The following FARP2 variants were observed in gnomAD, a reference collection of about 807,000 sequenced individuals.
FARP2 encodes FERM, ARH/RhoGEF and pleckstrin domain protein 2.
FARP2 carries 111 observed loss-of-function variants against 130.5 expected under a neutral mutation model. The ratio of observed to expected loss-of-function variants is 0.85; its 90% confidence interval spans 0.73 to 1.00. FARP2 has a LOEUF of 1.00. Ranked by LOEUF, FARP2 falls within the 50% of genes least tolerant of loss-of-function variation. The pLI is 0.00. For missense variants in FARP2, 1,385 were observed against 1,346.3 expected (o/e 1.03, Z -0.45); for synonymous variants, 504 against 516.9 (o/e 0.98, Z 0.34).
chr2:241,370,774 A>G (rs2061407356), intron 1 of FARP2, among the ~76,000 whole-genome samples: 1 of 152,156 alleles, frequency 6.6e-6, no homozygotes, highest in Non-Finnish European at 1.5e-5. Flanking sequence ...TTTACAGTAC[A>G]TTTCATGATG....
chr2:241,492,053 C>T (rs1408990269), intron 24 of FARP2, among the ~76,000 whole-genome samples: 1 of 152,232 alleles, frequency 6.6e-6, no homozygotes, highest in African/African-American at 2.4e-5. Flanking sequence ...AGGCACCCTG[C>T]CATAGAAGGT....
intron 1 of FARP2, among the ~76,000 whole-genome samples, chr2:241,358,961 A>G (rs2061124722): frequency 6.6e-6 from 1 of 152,208 alleles, no homozygotes. Context: ...ACTTTTCAAA[A>G]CAATCTGATA....
intron 20 of FARP2, 142 bp from the exon 21 acceptor site, chr2:241,484,099 AT>A: frequency 6.9e-7 from 1 of 1,444,184 alleles, no homozygotes; most frequent in Non-Finnish European, 9.1e-7. Context: ...AAATGAATGA[AT>A]AAAAGTCCCC....
At chr2:241,403,042 C>G (rs2062235247) in intron 2 of FARP2, among the ~76,000 whole-genome samples, 1 of 148,098 alleles carries the variant, frequency 6.8e-6, no homozygotes, top group African/African-American at 2.5e-5. Context: ...CATTCTTTTC[C>G]TTAATGGGAG....
At chr2:241,464,348 T>C (rs1043580703) in intron 17 of FARP2, among the ~76,000 whole-genome samples, 1 of 140,324 alleles carries the variant, frequency 7.1e-6, no homozygotes, top group Non-Finnish European at 1.6e-5. Context: ...CAGGGTCCCC[T>C]AAGAGCGGGG....
At chr2:241,445,833 C>T (rs2063501697) in intron 13 of FARP2, 1 of 152,282 alleles carries the variant, frequency 6.6e-6, no homozygotes, top group South Asian at 2.1e-4. Flanking sequence ...CCTCCGCCCG[C>T]AGTCTCAGGC....
Position 241,456,886 on chromosome 2 carries a change from C to G in FARP2, c.1551C>G (p.Gly517=), listed in dbSNP as rs559265413. The change falls in exon 14 of 27, where the codon GGC becomes GGG. Residue 517 remains glycine, a synonymous_variant. Transcript: ENST00000264042. ...TGAGCCCTGTCCTCAGTGATGCTGG[C>G]GGAGCCGGGATGGACTGCGAGGAGC... ...PLLSPVLSDA[G]GAGMDCEEPR... is the part of the protein sequence containing the mutation. 1.2e-6 allele frequency: 2 copies of G among 1,609,136 alleles called. No homozygotes were observed. The highest frequency in any genetic ancestry group is 1.7e-6 in the Non-Finnish European group (2 of 1,177,512).
intron 11 of FARP2, 130 bp from the exon 12 acceptor site, chr2:241,436,351 A>C: frequency 1.3e-6 from 1 of 742,908 alleles, no homozygotes; most frequent in South Asian, 1.6e-5. Context: ...GCCCCTTTCA[A>C]GTTAGATACC....
chr2:241,481,593 CT>C (rs1349005746), intron 19 of FARP2, among the ~76,000 whole-genome samples: 3 of 152,234 alleles, frequency 2.0e-5, no homozygotes, highest in Non-Finnish European at 4.4e-5. Flanking sequence ...CATTTCTCTC[CT>C]TGGCTGCATA....
chr2:241,366,100 A>ATATAT (rs1553705591), intron 1 of FARP2, among the ~76,000 whole-genome samples: 523 of 8,614 alleles, frequency 0.061, 3 homozygotes, highest in Middle Eastern at 0.44. Flanking sequence ...ACTAAAAAAA[A>ATATAT]AAAAATATAT....
chr2:241,381,699 T>A (rs190545015), intron 2 of FARP2, among the ~76,000 whole-genome samples: 120 of 152,370 alleles, frequency 7.9e-4, no homozygotes, highest in Non-Finnish European at 1.6e-3. Flanking sequence ...GATGGTAGAA[T>A]TACAGTGATC....
chr2:241,393,201 G>A (rs941180608), intron 2 of FARP2, among the ~76,000 whole-genome samples: 2 of 151,892 alleles, frequency 1.3e-5, no homozygotes, highest in African/African-American at 4.8e-5. Context: ...TGTATTTTTA[G>A]TAGAGACAGG....
At chr2:241,441,613 A>G (rs767835570) in intron 13 of FARP2, 57 bp downstream of exon 13, 1 of 1,612,526 alleles carries the variant, frequency 6.2e-7, no homozygotes, top group South Asian at 1.1e-5. Context: ...TGGGGGGCAG[A>G]GTTTCAGTGC....
At chr2:241,381,593 G>A (rs2061665108) in intron 2 of FARP2, among the ~76,000 whole-genome samples, 1 of 152,020 alleles carries the variant, frequency 6.6e-6, no homozygotes, top group African/African-American at 2.4e-5. Context: ...ACTTCTGGGG[G>A]CATTTTTCAG....
chr2:241,434,436 A>G, intron 10 of FARP2, 115 bp downstream of exon 10: 1 of 731,882 alleles, frequency 1.4e-6, no homozygotes, highest in Non-Finnish European at 2.1e-6. Context: ...ATTACACACA[A>G]AGTGGAGGTA....
At position 241,475,345 on chromosome 2, in the gene FARP2, C is replaced by T. The variant is rs1312642049; in HGVS notation, c.2132-512C>T. On this transcript the variant is annotated intron_variant, in intron 18 of 26. Coordinates refer to ENST00000264042, the MANE Select transcript of FARP2 (RefSeq NM_014808.4). The surrounding 1 kb of genome is among the most constrained non-coding windows in gnomAD (Gnocchi z 4.4). Reference sequence around the variant, plus strand: ...CTATAAGTCCTATAAGGCAGGGGTCCCCAGTGCCCATGGCTATGGACTAGT... The same window carrying T: ...CTATAAGTCCTATAAGGCAGGGGTCTCCAGTGCCCATGGCTATGGACTAGT... Among the ~76,000 whole-genome samples, 1 of 152,066 alleles carries T rather than the reference C, an allele frequency of 6.6e-6. No homozygotes were observed. The highest frequency in any genetic ancestry group is 1.5e-5 in the Non-Finnish European group (1 of 68,032).
At chr2:241,377,389 C>T (rs1317852085) in intron 2 of FARP2, among the ~76,000 whole-genome samples, 3 of 148,694 alleles carry the variant, frequency 2.0e-5, no homozygotes, top group African/African-American at 7.4e-5. Context: ...GGCCGGACTG[C>T]GGACTGCAGT....
chr2:241,428,590 G>A (rs2063015705), intron 8 of FARP2, among the ~76,000 whole-genome samples: 1 of 151,034 alleles, frequency 6.6e-6, no homozygotes, highest in African/African-American at 2.4e-5. Context: ...AGACCCTAAT[G>A]TTTGTATCTT....
intron 5 of FARP2, among the ~76,000 whole-genome samples, chr2:241,409,038 T>TGATAGATA (rs56030352): frequency 0.27 from 39,865 of 145,750 alleles, 5,466 homozygotes; most frequent in Non-Finnish European, 0.29. Context: ...GATAGATAGA[T>TGATAGATA]GATAGATAGA....
Sources: allele counts gnomAD v4.1 joint callset (sites outside exome capture counted in the v4.1 genomes callset), GRCh38; gene constraint gnomAD v4.1.1; non-coding constraint Gnocchi (gnomAD v3.1); transcripts MANE v1.5; gene names NCBI Gene and HGNC (gene_info 2026-07-23, HGNC 2026-07-21).